Variants in UBE4A observed in about 807,000 individuals in gnomAD.
UBE4A encodes ubiquitination factor E4A, also known as ubiquitin conjugation factor E4 A.
In UBE4A, 48 loss-of-function variants were observed where a neutral mutation model predicts 117.9. That is an observed-to-expected ratio of 0.41 (90% CI 0.32 to 0.52). The LOEUF is 0.52. Ranked by LOEUF, UBE4A falls within the 20% of genes least tolerant of loss-of-function variation. UBE4A has a pLI of 0.33. For missense variants in UBE4A, 1,067 were observed against 1,296.3 expected (o/e 0.82, Z 2.72); for synonymous variants, 407 against 450.0 (o/e 0.90, Z 1.21).
At chr11:118,375,736 C>T (rs1948647435) in intron 9 of UBE4A, among the ~76,000 whole-genome samples, 1 of 151,922 alleles carries the variant, frequency 6.6e-6, no homozygotes, top group Non-Finnish European at 1.5e-5. Context: ...TTAGTGAGAC[C>T]TTCTCTCTGG....
intron 1 of UBE4A, among the ~76,000 whole-genome samples, chr11:118,364,131 T>C (rs896163512): frequency 6.6e-6 from 1 of 152,134 alleles, no homozygotes; most frequent in Non-Finnish European, 1.5e-5. Flanking sequence ...TTCTATGTCA[T>C]GGCCTTAAAA....
rs910053436 is a variant in UBE4A, at chr11:118,373,486, T to C, written c.925-8T>C. Reference sequence around the variant, plus strand: ...AGATGAATAAGCAGAACTTGTCTTCTCTTACAGGTTTTTGTAGAATACATT... The same window carrying C: ...AGATGAATAAGCAGAACTTGTCTTCCCTTACAGGTTTTTGTAGAATACATT... On this transcript the variant is annotated splice_polypyrimidine_tract_variant and splice_region_variant and intron_variant, in intron 7 of 19. Transcript: ENST00000252108. 6.2e-7 allele frequency: 1 copy of C among 1,607,916 alleles called. No individual in the cohort carries two copies.
intron 9 of UBE4A, among the ~76,000 whole-genome samples, 191 bp downstream of exon 9, chr11:118,375,420 C>T (rs192291391): frequency 3.3e-5 from 5 of 151,990 alleles, no homozygotes; most frequent in East Asian, 3.9e-4. Flanking sequence ...AGTGCAGTGA[C>T]GCTATCTTGG....
rs1333824373 is a variant in UBE4A at position 118,381,603 on chromosome 11, G to A, written c.2009+80G>A. ...GACTTCTAAACCAAGAAATAAACAA[G>A]CCTGAATCATAAGGGGTTGCCTTCA... On this transcript the variant is annotated intron_variant, in intron 12 of 19. Coordinates refer to ENST00000252108, the MANE Select transcript of UBE4A (RefSeq NM_001204077.2). 11 of 1,549,546 alleles carry A rather than the reference G, an allele frequency of 7.1e-6. No homozygotes were observed. In the East Asian group the frequency reaches 2.5e-4, roughly 35 times the overall value.
chr11:118,380,543 C>G (rs1444149001), intron 11 of UBE4A, among the ~76,000 whole-genome samples: 2 of 152,114 alleles, frequency 1.3e-5, no homozygotes, highest in African/African-American at 4.8e-5. Context: ...AATTGCACTA[C>G]TGTACTCCAG....
At chr11:118,390,902 T>G in intron 18 of UBE4A, 98 bp downstream of exon 18, 1 of 1,487,784 alleles carries the variant, frequency 6.7e-7, no homozygotes. Context: ...CTTAAGAGCC[T>G]AAGGCTAGAG....
intron 10 of UBE4A, among the ~76,000 whole-genome samples, chr11:118,378,231 G>A (rs1196970884): frequency 1.3e-5 from 2 of 150,796 alleles, no homozygotes; most frequent in Non-Finnish European, 2.9e-5. Flanking sequence ...TAGGCGACAG[G>A]GCGAGAATCT....
chr11:118,391,561 G>A (rs1245764342), intron 18 of UBE4A, among the ~76,000 whole-genome samples: 2 of 151,386 alleles, frequency 1.3e-5, no homozygotes, highest in African/African-American at 4.9e-5. Context: ...TTGGGAGGTC[G>A]AGGCGGGCAG....
intron 13 of UBE4A, among the ~76,000 whole-genome samples, 180 bp from the exon 14 acceptor site, chr11:118,384,455 A>T (rs1948736081): frequency 6.6e-6 from 1 of 152,204 alleles, no homozygotes; most frequent in Non-Finnish European, 1.5e-5. Flanking sequence ...CTTCATCAGT[A>T]AGGAAATGAG....
intron 13 of UBE4A, among the ~76,000 whole-genome samples, chr11:118,384,273 C>G (rs1948734501): frequency 6.6e-6 from 1 of 152,156 alleles, no homozygotes; most frequent in African/African-American, 2.4e-5. Flanking sequence ...GCTTAGTGTC[C>G]CGTCCTGCAC....
chr11:118,365,048 A>G lies in UBE4A; in HGVS notation c.-33A>G. On this transcript the variant is annotated 5_prime_UTR_variant, in exon 2 of 20. Transcript: ENST00000252108. ...ACCTGTCCTTTGAACAGCCTCTCCC[A>G]CTAGGTCTGGATGGAGGATACCTTA... 1 of 1,608,816 alleles carries G rather than the reference A, an allele frequency of 6.2e-7. No homozygotes were observed. Among genetic ancestry groups the G allele is most frequent in the East Asian group, 2.2e-5 (1 of 44,514 alleles).
intron 2 of UBE4A, among the ~76,000 whole-genome samples, chr11:118,367,767 G>A (rs1948576492): frequency 6.6e-6 from 1 of 151,954 alleles, no homozygotes; most frequent in South Asian, 2.1e-4. Context: ...CAAAGTGCTG[G>A]GATTACAGGT....
At chr11:118,369,304 G>A in intron 3 of UBE4A, 119 bp from the exon 4 acceptor site, 1 of 684,216 alleles carries the variant, frequency 1.5e-6, no homozygotes. Context: ...TTGTGTATCA[G>A]GATCATTCTG....
Position 118,373,688 on chromosome 11 carries a change from G to A in UBE4A, c.1116+3G>A, listed in dbSNP as rs1393149183. 2 of 1,612,628 alleles carry A rather than the reference G, an allele frequency of 1.2e-6. No individual in the cohort carries two copies. The highest frequency in any genetic ancestry group is 1.7e-4 in the Middle Eastern group (1 of 6,018). ...TACAGGAGGCCAACATCCATCAGGT[G>A]GAACTGTTTACCAGGGTATCCCAGC... On this transcript the variant is annotated splice_donor_region_variant and intron_variant, in intron 8 of 19. Coordinates refer to ENST00000252108, the MANE Select transcript of UBE4A (RefSeq NM_001204077.2).
intron 11 of UBE4A, 21 bp from the exon 12 acceptor site, chr11:118,381,370 A>C: frequency 6.2e-7 from 1 of 1,613,686 alleles, no homozygotes; most frequent in Non-Finnish European, 8.5e-7. Flanking sequence ...GGCTAATTCC[A>C]GTGAATATTT....
At chr11:118,361,521 A>G (rs752754090) in intron 1 of UBE4A, among the ~76,000 whole-genome samples, 3 of 152,214 alleles carry the variant, frequency 2.0e-5, no homozygotes, top group African/African-American at 7.2e-5. Flanking sequence ...AAATTTTTCT[A>G]TAAGTGACTA....
Position 118,396,533 on chromosome 11 carries a change from C to A in UBE4A, c.*93C>A. The A allele has an allele frequency of 4.5e-4, 505 of 1,129,438 alleles. No individual in the cohort carries two copies. The highest frequency in any genetic ancestry group is 5.5e-4 in the Non-Finnish European group (457 of 830,628). 70.0% of individuals were successfully genotyped at this position (1,129,438 alleles called of 1,614,324 possible). Reference sequence around the variant, plus strand: ...CTTTCTGGTTCTGTTCCTTTTCTTTCTTCTTTTCTTTTTCTTTTTTTTTTT... The same window carrying A: ...CTTTCTGGTTCTGTTCCTTTTCTTTATTCTTTTCTTTTTCTTTTTTTTTTT... On this transcript the variant is annotated 3_prime_UTR_variant, in exon 20 of 20. Coordinates refer to ENST00000252108, the MANE Select transcript of UBE4A (RefSeq NM_001204077.2).
intron 1 of UBE4A, 80 bp from the exon 2 acceptor site, chr11:118,364,960 T>C: frequency 8.2e-6 from 10 of 1,216,808 alleles, no homozygotes; most frequent in Non-Finnish European, 9.7e-6. Flanking sequence ...ATTTGAGAAA[T>C]GGGAAAAGAA....
chr11:118,366,730 T>C (rs1406422434), intron 2 of UBE4A, among the ~76,000 whole-genome samples: 1 of 152,246 alleles, frequency 6.6e-6, no homozygotes, highest in African/African-American at 2.4e-5. Flanking sequence ...TATAGACTCA[T>C]ATGTGGCATA....
Sources: gnomAD v4.1 joint callset for allele counts (sites outside exome capture counted in the v4.1 genomes callset) on GRCh38, gnomAD v4.1.1 for gene constraint, MANE v1.5 for transcripts, NCBI Gene and HGNC (gene_info 2026-07-23, HGNC 2026-07-21) for gene names.